Variants in GRIK4 observed in about 807,000 individuals in gnomAD.
The protein encoded by GRIK4 is glutamate receptor ionotropic, kainate 4.
GRIK4 carries 40 observed loss-of-function variants against 104.9 expected under a neutral mutation model. That is an observed-to-expected ratio of 0.38 (90% CI 0.30 to 0.50). GRIK4 has a LOEUF of 0.50. Among genes scored for constraint, GRIK4 ranks in the 20% least tolerant of loss-of-function variants. The pLI is 0.93. For missense variants in GRIK4, 1,047 were observed against 1,308.1 expected (o/e 0.80, Z 3.08); for synonymous variants, 485 against 524.9 (o/e 0.92, Z 1.04).
intron 13 of GRIK4, among the ~76,000 whole-genome samples, chr11:120,933,284 C>A (rs755796754): frequency 2.0e-5 from 3 of 152,216 alleles, no homozygotes; most frequent in Non-Finnish European, 4.4e-5. Context: ...TCCAAACATG[C>A]CCACAACTCA....
chr11:120,971,837 G>T (rs918367453), intron 19 of GRIK4, among the ~76,000 whole-genome samples: 6 of 152,198 alleles, frequency 3.9e-5, no homozygotes, highest in African/African-American at 1.4e-4. Flanking sequence ...GTTACACTGA[G>T]AACTCGGTTT....
intron 19 of GRIK4, among the ~76,000 whole-genome samples, chr11:120,977,901 A>G (rs1944587613): frequency 6.6e-6 from 1 of 152,240 alleles, no homozygotes; most frequent in African/African-American, 2.4e-5. Context: ...GTCAATATTC[A>G]GTCCCCTTTA....
intron 19 of GRIK4, among the ~76,000 whole-genome samples, chr11:120,981,786 A>C (rs537360381): frequency 6.6e-5 from 10 of 152,302 alleles, no homozygotes; most frequent in Admixed American, 3.3e-4. Context: ...ATAAGCTGTC[A>C]AGAGTTTGCC....
At chr11:120,806,482 G>A (rs942006560) in intron 4 of GRIK4, among the ~76,000 whole-genome samples, 2 of 152,186 alleles carry the variant, frequency 1.3e-5, no homozygotes, top group Non-Finnish European at 2.9e-5. Flanking sequence ...TTAAAAAAAT[G>A]TGAGTGGCTC....
intron 1 of GRIK4, among the ~76,000 whole-genome samples, chr11:120,644,009 G>GTC (rs1344014015): frequency 3.3e-5 from 3 of 92,138 alleles, no homozygotes; most frequent in Admixed American, 3.1e-4. Flanking sequence ...AGGGGAGAGG[G>GTC]TCTGTGTGTG....
intron 1 of GRIK4, among the ~76,000 whole-genome samples, chr11:120,586,121 G>C (rs1395806357): frequency 1.3e-5 from 2 of 152,144 alleles, no homozygotes; most frequent in Non-Finnish European, 2.9e-5. Context: ...ACTTGGACAC[G>C]TGTTGAATAC....
intron 3 of GRIK4, among the ~76,000 whole-genome samples, chr11:120,788,960 G>C (rs966689970): frequency 2.6e-5 from 4 of 152,170 alleles, no homozygotes; most frequent in Non-Finnish European, 2.9e-5. Context: ...GCCCTGTGGA[G>C]AATGCTCAGT....
chr11:120,877,085 G>C (rs1048078788), intron 11 of GRIK4, among the ~76,000 whole-genome samples: 4 of 152,246 alleles, frequency 2.6e-5, no homozygotes, highest in South Asian at 4.1e-4. Flanking sequence ...CTCAGACAGA[G>C]AGGAGCCCAG....
chr11:120,819,951 A>G lies in GRIK4; in HGVS notation c.511+31A>G, dbSNP rs748034846. ...TTTCCCCAGGCTGGCTCTGCCCCAG[A>G]CAGTCCAGTCTTGTTGATTTTGCCC... On this transcript the variant is annotated intron_variant, in intron 6 of 20. Transcript: ENST00000527524. The surrounding 1 kb of genome is among the most constrained non-coding windows in gnomAD (Gnocchi z 4.3). The G allele has an allele frequency of 6.2e-7, 1 of 1,609,176 alleles. No homozygotes were observed. Among genetic ancestry groups the G allele is most frequent in the Non-Finnish European group, 8.5e-7 (1 of 1,177,472 alleles).
chr11:120,517,923 A>G (rs1279794431), intron 1 of GRIK4, among the ~76,000 whole-genome samples: 1 of 152,188 alleles, frequency 6.6e-6, no homozygotes, highest in East Asian at 1.9e-4. Flanking sequence ...GAGGAGGTTA[A>G]GTTGTGTAAG....
At chr11:120,985,607 C>T (rs1260578650) in intron 20 of GRIK4, among the ~76,000 whole-genome samples, 2 of 139,584 alleles carry the variant, frequency 1.4e-5, no homozygotes, top group Non-Finnish European at 3.1e-5. Flanking sequence ...TAAAAGGAAG[C>T]AGCATTTAAT....
intron 13 of GRIK4, among the ~76,000 whole-genome samples, chr11:120,912,950 T>C (rs1943032459): frequency 6.6e-6 from 1 of 152,208 alleles, no homozygotes; most frequent in Non-Finnish European, 1.5e-5. Context: ...CCACAGCTGG[T>C]ATCTGGGAAC....
chr11:120,626,984 G>A (rs1949268517), intron 1 of GRIK4, among the ~76,000 whole-genome samples: 1 of 152,186 alleles, frequency 6.6e-6, no homozygotes. Flanking sequence ...CTGACTCCAC[G>A]GAGGCCCGAA....
chr11:120,528,402 A>C (rs111800793), intron 1 of GRIK4, among the ~76,000 whole-genome samples: 15 of 152,260 alleles, frequency 9.9e-5, no homozygotes, highest in East Asian at 5.8e-4. Flanking sequence ...TGAGCCACCA[A>C]GCCCGACCCT....
At position 120,636,529 on chromosome 11, in the gene GRIK4, C is replaced by T. The variant is rs116296189; in HGVS notation, c.-158-17156C>T. Among the ~76,000 whole-genome samples, 575 of 152,194 alleles carry T rather than the reference C, an allele frequency of 3.8e-3. 4 individuals are homozygous for T. Among genetic ancestry groups the T allele is most frequent in the African/African-American group, 0.012 (514 of 41,504 alleles). On this transcript the variant is annotated intron_variant, in intron 1 of 20. Transcript: ENST00000527524. ...GTGTTGGGAGTCTTGGGGATCAGTT[C>T]GGATTCTTCCCTAGAAAGACTGCTA...
chr11:120,544,919 G>T (rs1046327311), intron 1 of GRIK4, among the ~76,000 whole-genome samples: 1 of 152,198 alleles, frequency 6.6e-6, no homozygotes, highest in Non-Finnish European at 1.5e-5. Context: ...CCTGAGGCTT[G>T]TTGAGCACAG....
chr11:120,986,327 T>C lies in GRIK4; in HGVS notation c.*67T>C, dbSNP rs1944753039. 5 of 1,411,966 alleles carry C rather than the reference T, an allele frequency of 3.5e-6. No individual in the cohort carries two copies. The highest frequency in any genetic ancestry group is 4.6e-6 in the Non-Finnish European group (5 of 1,088,656). 87.5% of individuals were successfully genotyped at this position (1,411,966 alleles called of 1,614,324 possible). On this transcript the variant is annotated 3_prime_UTR_variant, in exon 21 of 21. Transcript: ENST00000527524. ...AGGGGAGGGGCGGGGCGGGCGCTGC[T>C]GTCAGCCGCCAGCCGGAACTTGTAC...
intron 13 of GRIK4, among the ~76,000 whole-genome samples, chr11:120,935,809 A>G (rs947043770): frequency 3.3e-5 from 5 of 152,192 alleles, no homozygotes; most frequent in African/African-American, 9.7e-5. Flanking sequence ...ATACTGTGCC[A>G]GGCAAGGTTA....
At chr11:120,658,414 G>A (rs546387721) in intron 2 of GRIK4, among the ~76,000 whole-genome samples, 3 of 152,222 alleles carry the variant, frequency 2.0e-5, no homozygotes, top group South Asian at 4.2e-4. Flanking sequence ...AATAGAGTTA[G>A]TGGGTCATTA....
Sources: allele counts gnomAD v4.1 joint callset (sites outside exome capture counted in the v4.1 genomes callset), GRCh38; gene constraint gnomAD v4.1.1; non-coding constraint Gnocchi (gnomAD v3.1); transcripts MANE v1.5; gene names NCBI Gene and HGNC (gene_info 2026-07-23, HGNC 2026-07-21).